GMDS: variants seen among roughly 807,000 people sequenced by gnomAD.
GMDS encodes the protein GDP-mannose 4,6-dehydratase.
Under a neutral mutation model 49.9 loss-of-function variants are expected in GMDS, and 20 were observed. The observed-to-expected ratio is 0.40, with a 90% CI of 0.28 to 0.58. The LOEUF (loss-of-function observed/expected upper bound fraction) is 0.58, where lower values mean the gene tolerates loss of function less well. Among genes scored for constraint, GMDS ranks in the 20% least tolerant of loss-of-function variants. GMDS has a pLI of 0.42. For missense variants in GMDS, 362 were observed against 481.4 expected (o/e 0.75, Z 2.32); for synonymous variants, 177 against 178.6 (o/e 0.99, Z 0.07).
rs573666053 is a variant in GMDS at position 2,189,457 on chromosome 6, T to C, written c.102+55864A>G. Among the ~76,000 whole-genome samples, 8 of 152,176 alleles carry C rather than the reference T, an allele frequency of 5.3e-5. No homozygotes were observed. The East Asian group carries it at 1.3e-3, about 26-fold the overall frequency. On this transcript the variant is annotated intron_variant, in intron 1 of 10. Transcript: ENST00000380815. ...TCCATAATGGTGATTCCCAAATCCA[T>C]ATGACCATCAGAATCAGCTGGGGAA...
intron 7 of GMDS, among the ~76,000 whole-genome samples, chr6:1,924,837 C>A (rs2113912671): frequency 6.6e-6 from 1 of 151,994 alleles, no homozygotes; most frequent in South Asian, 2.1e-4. Context: ...GAGAGGTGGG[C>A]ATAAAAGCAG....
chr6:1,636,857 G>A (rs1763167409), intron 9 of GMDS, among the ~76,000 whole-genome samples: 1 of 152,220 alleles, frequency 6.6e-6, no homozygotes, highest in African/African-American at 2.4e-5. Context: ...GGGAGGAGAG[G>A]TGAGGCCTAG....
intron 4 of GMDS, among the ~76,000 whole-genome samples, chr6:2,017,493 G>A (rs1767979859): frequency 6.6e-6 from 1 of 152,010 alleles, no homozygotes; most frequent in Non-Finnish European, 1.5e-5. Context: ...ATTTTTAGTA[G>A]AGACAGGGTT....
chr6:1,855,948 T>G (rs1757920373), intron 7 of GMDS, among the ~76,000 whole-genome samples: 2 of 152,184 alleles, frequency 1.3e-5, no homozygotes, highest in African/African-American at 2.4e-5. Context: ...CGTGACAAAT[T>G]GGATTTATAA....
chr6:1,706,666 C>T (rs1765749049), intron 9 of GMDS, among the ~76,000 whole-genome samples: 1 of 152,246 alleles, frequency 6.6e-6, no homozygotes, highest in Admixed American at 6.5e-5. Flanking sequence ...CACGAGGCGT[C>T]CGCAGCACGT....
At chr6:1,813,396 A>T (rs1246281784) in intron 7 of GMDS, among the ~76,000 whole-genome samples, 1 of 152,154 alleles carries the variant, frequency 6.6e-6, no homozygotes, top group African/African-American at 2.4e-5. Flanking sequence ...CCCAGCGCTC[A>T]ATGCCTAAGT....
At chr6:1,954,614 A>G (rs758211309) in intron 6 of GMDS, among the ~76,000 whole-genome samples, 8 of 152,252 alleles carry the variant, frequency 5.3e-5, no homozygotes, top group Non-Finnish European at 8.8e-5. Flanking sequence ...CCAGGAATAG[A>G]TTCCATCTTA....
chr6:1,972,231 A>G (rs1764653848), intron 4 of GMDS, among the ~76,000 whole-genome samples: 2 of 151,008 alleles, frequency 1.3e-5, no homozygotes, highest in Non-Finnish European at 2.9e-5. Flanking sequence ...ATTATTTAAA[A>G]CAAATATTAA....
At chr6:1,995,153 G>A (rs1410133090) in intron 4 of GMDS, among the ~76,000 whole-genome samples, 1 of 152,154 alleles carries the variant, frequency 6.6e-6, no homozygotes, top group Admixed American at 6.5e-5. Context: ...CAGAAACTGA[G>A]GGGCCACCAT....
chr6:1,713,605 G>A (rs1367800788), intron 9 of GMDS, among the ~76,000 whole-genome samples: 2 of 150,798 alleles, frequency 1.3e-5, no homozygotes, highest in African/African-American at 4.9e-5. Context: ...GGATCAATGG[G>A]ACACACACAC....
chr6:2,197,284 A>G (rs1319029530), intron 1 of GMDS, among the ~76,000 whole-genome samples: 1 of 152,096 alleles, frequency 6.6e-6, no homozygotes, highest in Non-Finnish European at 1.5e-5. Context: ...CTCCAAGTGG[A>G]AACACTGAGT....
At chr6:2,077,877 T>C (rs981395845) in intron 4 of GMDS, among the ~76,000 whole-genome samples, 7 of 152,094 alleles carry the variant, frequency 4.6e-5, no homozygotes, top group African/African-American at 1.4e-4. Context: ...TCTTTATACA[T>C]ATGGTAGAAT....
At chr6:1,748,723 C>G (rs919983693) in intron 7 of GMDS, among the ~76,000 whole-genome samples, 2 of 152,208 alleles carry the variant, frequency 1.3e-5, no homozygotes, top group African/African-American at 4.8e-5. Context: ...TGACTGTGTT[C>G]CAATAAAACA....
At chr6:1,892,161 T>G (rs28515976) in intron 7 of GMDS, among the ~76,000 whole-genome samples, 1,873 of 152,272 alleles carry the variant, frequency 0.012, 41 homozygotes, top group African/African-American at 0.042. Context: ...CCTACTTAAA[T>G]ATGACATTTC....
chr6:1,919,022 G>C (rs139270852), intron 7 of GMDS, among the ~76,000 whole-genome samples: 1 of 152,298 alleles, frequency 6.6e-6, no homozygotes, highest in East Asian at 1.9e-4. Flanking sequence ...AATAGTAAGA[G>C]AAATGGAACA....
chr6:2,095,345 C>T lies in GMDS; in HGVS notation c.345+20426G>A, dbSNP rs572557596. Among the ~76,000 whole-genome samples the T allele has an allele frequency of 3.3e-5, 5 of 152,274 alleles. No individual in the cohort carries two copies. The East Asian group carries it at 9.6e-4, about 29-fold the overall frequency. On this transcript the variant is annotated intron_variant, in intron 4 of 10. Transcript: ENST00000380815. ...TAAAATACTCAGTGGGGCACAAACT[C>T]GTATTAACTTAAGAACATCTGCCAC...
At position 1,736,514 on chromosome 6, in the gene GMDS, G is replaced by A. The variant is rs577033692; in HGVS notation, c.890+5954C>T. Among the ~76,000 whole-genome samples the A allele has an allele frequency of 2.6e-5, 4 of 152,310 alleles. No homozygotes were observed. The South Asian group carries it at 8.3e-4, about 32-fold the overall frequency. ...ATGGGACTCTACGCAGGTTTTCTCA[G>A]CATGACTGCTTTTTCTAGCTCTAAT... On this transcript the variant is annotated intron_variant, in intron 8 of 10. Transcript: ENST00000380815.
rs149028389 is a variant in GMDS at position 2,131,379 on chromosome 6, G to GCA, written c.103-6650_103-6649dup. Among the ~76,000 whole-genome samples the GCA allele has an allele frequency of 1.5e-3, 225 of 151,866 alleles. 1 individual carries two copies. Among genetic ancestry groups the GCA allele is most frequent in the African/African-American group, 5.0e-3 (206 of 41,426 alleles). On this transcript the variant is annotated intron_variant, in intron 1 of 10. Transcript: ENST00000380815. ...TAATTAAATGATTAGGAGAAAAACA[G>GCA]CACACACACACACAGATACTCCAAT...
intron 1 of GMDS, among the ~76,000 whole-genome samples, chr6:2,145,716 T>C (rs1776522106): frequency 6.6e-6 from 1 of 152,152 alleles, no homozygotes; most frequent in Admixed American, 6.5e-5. Context: ...TTATACAGTG[T>C]TTACACTGTA....
Sources: gnomAD v4.1 joint callset for allele counts (sites outside exome capture counted in the v4.1 genomes callset) on GRCh38, gnomAD v4.1.1 for gene constraint, MANE v1.5 for transcripts, NCBI Gene and HGNC (gene_info 2026-07-23, HGNC 2026-07-21) for gene names.